ADAMTS19: variants seen among roughly 807,000 people sequenced by gnomAD.
The protein encoded by ADAMTS19 is A disintegrin and metalloproteinase with thrombospondin motifs 19.
In ADAMTS19, 93 loss-of-function variants were observed where a neutral mutation model predicts 153.3. That is an observed-to-expected ratio of 0.61 (90% CI 0.51 to 0.72). The LOEUF (loss-of-function observed/expected upper bound fraction) is 0.72, where lower values mean the gene tolerates loss of function less well. Ranked by LOEUF, ADAMTS19 falls within the 30% of genes least tolerant of loss-of-function variation. The pLI is 0.00. For missense variants in ADAMTS19, 1,482 were observed against 1,552.1 expected (o/e 0.95, Z 0.76); for synonymous variants, 600 against 556.6 (o/e 1.08, Z -1.10).
At chr5:129,665,643 C>A in intron 16 of ADAMTS19, 64 bp downstream of exon 16, 1 of 1,238,134 alleles carries the variant, frequency 8.1e-7, no homozygotes, top group Non-Finnish European at 1.2e-6. Flanking sequence ...CCTGAGAGTT[C>A]TATGATGAGG....
chr5:129,469,549 A>G (rs934918679), intron 2 of ADAMTS19, among the ~76,000 whole-genome samples: 1 of 152,202 alleles, frequency 6.6e-6, no homozygotes, highest in Non-Finnish European at 1.5e-5. Context: ...TGTCAATTTT[A>G]GAGAAATATC....
intron 7 of ADAMTS19, among the ~76,000 whole-genome samples, chr5:129,567,099 G>A (rs1353913625): frequency 6.6e-6 from 1 of 152,026 alleles, no homozygotes; most frequent in African/African-American, 2.4e-5. Context: ...GTGTGGATAT[G>A]ACTCTAAAAT....
chr5:129,533,384 A>C (rs1448003530), intron 6 of ADAMTS19, among the ~76,000 whole-genome samples: 1 of 152,150 alleles, frequency 6.6e-6, no homozygotes, highest in African/African-American at 2.4e-5. Flanking sequence ...ACCATAATAA[A>C]GTTGGTTAAG....
At chr5:129,702,962 A>ATATATATAT (rs1320843074) in intron 20 of ADAMTS19, among the ~76,000 whole-genome samples, 1 of 133,718 alleles carries the variant, frequency 7.5e-6, no homozygotes, top group African/African-American at 3.2e-5. Context: ...ATATATATAT[A>ATATATATAT]TATATATATA....
chr5:129,730,477 T>C (rs1386721366), intron 21 of ADAMTS19, among the ~76,000 whole-genome samples: 5 of 152,280 alleles, frequency 3.3e-5, no homozygotes, highest in African/African-American at 1.2e-4. Context: ...CAGTAAGCTA[T>C]TGTCATAACA....
chr5:129,659,382 G>T (rs1753727647), intron 15 of ADAMTS19, among the ~76,000 whole-genome samples: 2 of 152,204 alleles, frequency 1.3e-5, no homozygotes, highest in South Asian at 4.1e-4. Context: ...ATATGATATT[G>T]TCTTTACTGA....
In ADAMTS19 at chr5:129,546,745, C is replaced by T. The variant is rs1407170875; in HGVS notation, c.1329-5119C>T. Among the ~76,000 whole-genome samples, 2 of 150,934 alleles carry T rather than the reference C, an allele frequency of 1.3e-5. 1 individual carries two copies. The highest frequency in any genetic ancestry group is 5.0e-5 in the African/African-American group (2 of 40,310). On this transcript the variant is annotated intron_variant, in intron 6 of 22. Coordinates refer to ENST00000274487, the MANE Select transcript of ADAMTS19 (RefSeq NM_133638.6). ...ATTGGAAGAGATGCTGAAGAATGTA[C>T]TTAAAGAAAAAGAATAGTGAGATGT...
chr5:129,468,838 G>A (rs1440888752), intron 2 of ADAMTS19, among the ~76,000 whole-genome samples: 1 of 151,342 alleles, frequency 6.6e-6, no homozygotes, highest in Non-Finnish European at 1.5e-5. Context: ...GTGCAGTGGG[G>A]CAATCTTGGC....
chr5:129,491,400 T>A (rs1204292238), intron 2 of ADAMTS19, among the ~76,000 whole-genome samples: 3 of 152,166 alleles, frequency 2.0e-5, no homozygotes, highest in Non-Finnish European at 4.4e-5. Context: ...ACATTTTATT[T>A]CCAAGTAGAT....
chr5:129,575,526 G>C (rs1337618410), intron 7 of ADAMTS19, among the ~76,000 whole-genome samples: 2 of 152,072 alleles, frequency 1.3e-5, no homozygotes, highest in East Asian at 3.9e-4. Flanking sequence ...CTCCAAGGCA[G>C]ATGAAATCAT....
intron 3 of ADAMTS19, among the ~76,000 whole-genome samples, chr5:129,519,861 TA>T (rs1418237756): frequency 6.6e-6 from 1 of 152,104 alleles, no homozygotes; most frequent in African/African-American, 2.4e-5. Flanking sequence ...CCAATTTTTC[TA>T]AAAGGTGCAT....
In ADAMTS19 at chr5:129,667,652, A is replaced by C. The variant is rs146561885; in HGVS notation, c.2506+2073A>C. Among the ~76,000 whole-genome samples the C allele has an allele frequency of 3.9e-4, 60 of 152,074 alleles. No individual in the cohort carries two copies. In the East Asian group the frequency reaches 0.011, roughly 29 times the overall value. On this transcript the variant is annotated intron_variant, in intron 16 of 22. Transcript: ENST00000274487. ...CATGTGAGATGCCTGCTCCACCTGC[A>C]CTTTCGGCCATGATTGTAAGCTTCC...
Position 129,559,243 on chromosome 5 carries a change from A to C in ADAMTS19, c.1372+7336A>C, listed in dbSNP as rs1165564436. On this transcript the variant is annotated intron_variant, in intron 7 of 22. Coordinates refer to ENST00000274487, the MANE Select transcript of ADAMTS19 (RefSeq NM_133638.6). ...GATGTATATTAATAGTATTTCCAAT[A>C]CATGTAACCAACAAAGTATTAGAAC... Among the ~76,000 whole-genome samples, 3 of 152,100 alleles carry C rather than the reference A, an allele frequency of 2.0e-5. No homozygotes were observed. In the East Asian group the frequency reaches 5.8e-4, roughly 29 times the overall value.
At chr5:129,672,651 G>A (rs1754357704) in intron 16 of ADAMTS19, among the ~76,000 whole-genome samples, 1 of 152,146 alleles carries the variant, frequency 6.6e-6, no homozygotes, top group Non-Finnish European at 1.5e-5. Context: ...ATTAACCTTA[G>A]TACTAAGTGG....
chr5:129,493,747 T>C (rs1334312249), intron 2 of ADAMTS19, among the ~76,000 whole-genome samples: 2 of 152,256 alleles, frequency 1.3e-5, no homozygotes, highest in African/African-American at 4.8e-5. Flanking sequence ...ATTCCTTCAA[T>C]GAAGAAATCA....
chr5:129,728,738 T>C (rs752654278), intron 21 of ADAMTS19, among the ~76,000 whole-genome samples: 48 of 152,166 alleles, frequency 3.2e-4, no homozygotes, highest in Non-Finnish European at 6.6e-4. Context: ...TTTTATGTCA[T>C]TGTGTTTTGT....
chr5:129,504,870 CAG>C (rs1298708469), intron 2 of ADAMTS19, among the ~76,000 whole-genome samples: 1,331 of 84,750 alleles, frequency 0.016, 19 homozygotes, highest in African/African-American at 0.062. Context: ...TACACACACA[CAG>C]ACACACACAC....
chr5:129,471,740 GT>G (rs1298752999), intron 2 of ADAMTS19, among the ~76,000 whole-genome samples: 1 of 152,040 alleles, frequency 6.6e-6, no homozygotes, highest in Non-Finnish European at 1.5e-5. Context: ...AGAGTCTGTA[GT>G]TCCTCTCTAT....
chr5:129,483,985 T>A (rs1450462753), intron 2 of ADAMTS19, among the ~76,000 whole-genome samples: 1 of 152,170 alleles, frequency 6.6e-6, no homozygotes, highest in Non-Finnish European at 1.5e-5. Context: ...TAGACCAAGT[T>A]ACACTCTCAC....
Sources: allele counts gnomAD v4.1 joint callset (sites outside exome capture counted in the v4.1 genomes callset), GRCh38; gene constraint gnomAD v4.1.1; transcripts MANE v1.5; gene names NCBI Gene and HGNC (gene_info 2026-07-23, HGNC 2026-07-21).